The following KIAA0232 variants were observed in gnomAD, a reference collection of about 807,000 sequenced individuals.
KIAA0232 encodes KIAA0232, also known as uncharacterized protein KIAA0232.
KIAA0232 carries 27 observed loss-of-function variants against 122.0 expected under a neutral mutation model. The observed-to-expected ratio is 0.22, with a 90% confidence interval of 0.16 to 0.31. KIAA0232 has a LOEUF of 0.31. Ranked by LOEUF, KIAA0232 falls within the 10% of genes least tolerant of loss-of-function variation. The probability of loss-of-function intolerance (pLI) is 1.00; values close to 1 mark genes in which losing one functional copy is unlikely to be tolerated. For synonymous variants in KIAA0232, 613 were observed against 587.6 expected (o/e 1.04, Z -0.63); for missense variants, 1,551 against 1,634.2 (o/e 0.95, Z 0.88).
chr4:6,783,164 C>G (rs1010350123), intron 1 of KIAA0232, among the ~76,000 whole-genome samples: 1 of 151,724 alleles, frequency 6.6e-6, no homozygotes, highest in African/African-American at 2.4e-5. Flanking sequence ...CTAAGGGAGA[C>G]CGGGCCGCTG....
At chr4:6,858,111 A>C (rs1720657056) in intron 5 of KIAA0232, among the ~76,000 whole-genome samples, 1 of 152,204 alleles carries the variant, frequency 6.6e-6, no homozygotes, top group Non-Finnish European at 1.5e-5. Flanking sequence ...ATCTAAACAG[A>C]TGTTCTGTCC....
intron 2 of KIAA0232, among the ~76,000 whole-genome samples, chr4:6,806,215 T>G (rs1717608409): frequency 6.6e-6 from 1 of 152,218 alleles, no homozygotes; most frequent in Non-Finnish European, 1.5e-5. Context: ...AATTTTGACA[T>G]CTAATTGGTC....
In KIAA0232 at chr4:6,824,507, A is replaced by T. The variant is rs1475653497; in HGVS notation, c.54A>T (p.Ser18=). ...VVDGLPSESS[S]SSYPGPVSVS... Reference sequence around the variant, plus strand: ...ATGGTTTGCCATCTGAAAGCTCCTCAAGTTCTTATCCAGGCCCTGTGTCTG... The same window carrying T: ...ATGGTTTGCCATCTGAAAGCTCCTCTAGTTCTTATCCAGGCCCTGTGTCTG... Residue 18 remains serine (S), a synonymous_variant, in exon 3 of 10, where the codon TCA becomes TCT. Transcript: ENST00000307659. The T allele has an allele frequency of 1.2e-6, 2 of 1,614,026 alleles. No homozygotes were observed. Among genetic ancestry groups the T allele is most frequent in the East Asian group, 2.2e-5 (1 of 44,898 alleles).
At chr4:6,848,016 C>T (rs547135415) in intron 4 of KIAA0232, among the ~76,000 whole-genome samples, 192 of 152,292 alleles carry the variant, frequency 1.3e-3, no homozygotes, top group African/African-American at 3.9e-3. Context: ...AATGCAATAA[C>T]TCTTCCATAA....
intron 1 of KIAA0232, among the ~76,000 whole-genome samples, chr4:6,787,324 G>T (rs1044970591): frequency 6.6e-6 from 1 of 152,066 alleles, no homozygotes; most frequent in Non-Finnish European, 1.5e-5. Flanking sequence ...CTTCTTAAAA[G>T]AATATTAGAA....
chr4:6,794,133 G>A (rs1459772958), intron 1 of KIAA0232, among the ~76,000 whole-genome samples: 2 of 152,190 alleles, frequency 1.3e-5, no homozygotes, highest in Non-Finnish European at 2.9e-5. Context: ...ACTTCCACTT[G>A]GTCGGATTCC....
chr4:6,875,425 C>T (rs931033861), intron 8 of KIAA0232, among the ~76,000 whole-genome samples: 41 of 152,382 alleles, frequency 2.7e-4, no homozygotes, highest in African/African-American at 9.6e-4. Context: ...GGGGTATTCT[C>T]ATGAACCTCA....
At chr4:6,805,738 A>C (rs755046469) in intron 2 of KIAA0232, among the ~76,000 whole-genome samples, 7 of 152,200 alleles carry the variant, frequency 4.6e-5, no homozygotes, top group Non-Finnish European at 8.8e-5. Context: ...ACGTTGACAA[A>C]GTGGGTTTCA....
intron 3 of KIAA0232, among the ~76,000 whole-genome samples, chr4:6,835,619 C>T (rs1719223823): frequency 6.6e-6 from 1 of 152,194 alleles, no homozygotes; most frequent in Admixed American, 6.5e-5. Flanking sequence ...CCTCCCCCAG[C>T]TCCCCGCCTC....
rs527493803 is a variant in KIAA0232, at chr4:6,798,997, CAG to C, written c.-353-5524_-353-5523del. The stretch of plus-strand genomic sequence containing the variant: ...AACTTTGATGGATGGCTTTTAACAA[CAG>C]AAGTGTATCTTCTCACAGTTCTGGA... On this transcript the variant is annotated intron_variant, in intron 1 of 9. Transcript: ENST00000307659. Among the ~76,000 whole-genome samples the C allele has an allele frequency of 7.4e-4, 112 of 152,298 alleles. 1 individual carries two copies. Among genetic ancestry groups the C allele is most frequent in the Middle Eastern group, 6.8e-3 (2 of 294 alleles).
chr4:6,827,298 C>T (rs1718742448), intron 3 of KIAA0232, among the ~76,000 whole-genome samples: 1 of 152,180 alleles, frequency 6.6e-6, no homozygotes, highest in South Asian at 2.1e-4. Context: ...GGAGGATGTA[C>T]TTACGGTTTC....
At chr4:6,854,415 T>A (rs2108776449) in intron 4 of KIAA0232, among the ~76,000 whole-genome samples, 2 of 152,296 alleles carry the variant, frequency 1.3e-5, no homozygotes, top group South Asian at 4.1e-4. Context: ...TGAGTCCTCT[T>A]CTCAGAGAAA....
In KIAA0232 at chr4:6,855,992, G is replaced by C. The variant is rs1720547875; in HGVS notation, c.370-1172G>C. On this transcript the variant is annotated intron_variant, in intron 4 of 9. Transcript: ENST00000307659. The surrounding 1 kb of genome is among the most constrained non-coding windows in gnomAD (Gnocchi z 4.3). Reference sequence around the variant, plus strand: ...TTTTAAGAGTGTTTTTAAAGGAAAGGGCAACTCTTGTCTGGCCTATTTTTC... The same window carrying C: ...TTTTAAGAGTGTTTTTAAAGGAAAGCGCAACTCTTGTCTGGCCTATTTTTC... 3.1e-6 allele frequency: 1 copy of C among 319,958 alleles called. No individual in the cohort carries two copies. Among genetic ancestry groups the C allele is most frequent in the African/African-American group, 2.2e-5 (1 of 44,504 alleles). The allele number at this position is 319,958 out of a possible 1,614,324, so 19.8% of individuals were successfully genotyped here. A position where few individuals can be genotyped will look rare whatever the true frequency, so the allele number is the denominator to read the frequency against.
intron 2 of KIAA0232, among the ~76,000 whole-genome samples, chr4:6,812,128 G>C (rs1246908454): frequency 6.6e-6 from 1 of 152,112 alleles, no homozygotes; most frequent in Non-Finnish European, 1.5e-5. Context: ...TAGTGTCTTG[G>C]ACAACCTCCT....
intron 2 of KIAA0232, among the ~76,000 whole-genome samples, chr4:6,807,375 A>G (rs572025107): frequency 7.2e-5 from 11 of 152,348 alleles, no homozygotes; most frequent in African/African-American, 2.4e-4. Flanking sequence ...TGGAGCATAT[A>G]TACTTACGTG....
At chr4:6,853,665 A>C (rs1329818997) in intron 4 of KIAA0232, among the ~76,000 whole-genome samples, 3 of 152,244 alleles carry the variant, frequency 2.0e-5, no homozygotes, top group Non-Finnish European at 2.9e-5. Flanking sequence ...AGAAACCTGT[A>C]AGATGATTAA....
intron 4 of KIAA0232, among the ~76,000 whole-genome samples, chr4:6,848,262 C>T (rs1273891959): frequency 6.6e-6 from 1 of 152,304 alleles, no homozygotes; most frequent in African/African-American, 2.4e-5. Context: ...TATTTATATG[C>T]TGTACAGGGT....
At chr4:6,880,428 C>T (rs565575654) in intron 9 of KIAA0232, among the ~76,000 whole-genome samples, 8 of 152,134 alleles carry the variant, frequency 5.3e-5, no homozygotes, top group African/African-American at 1.7e-4. Context: ...TTGGTTTGCT[C>T]GTTCATCTCC....
In KIAA0232 at chr4:6,800,346, A is replaced by G. The variant is rs112380529; in HGVS notation, c.-353-4177A>G. 5.5e-3 allele frequency among the ~76,000 whole-genome samples: 818 copies of G among 149,030 alleles called. 3 individuals carry two copies. Among genetic ancestry groups the G allele is most frequent in the African/African-American group, 0.019 (766 of 40,578 alleles). On this transcript the variant is annotated intron_variant, in intron 1 of 9. Coordinates refer to ENST00000307659, the MANE Select transcript of KIAA0232 (RefSeq NM_014743.3). ...GTACTGAGTCATCGTGCCTGGACTTACGTATGCTCTATTTTCTTGATGTGT... is the reference window on the plus strand; with the variant it reads ...GTACTGAGTCATCGTGCCTGGACTTGCGTATGCTCTATTTTCTTGATGTGT...
Sources: gnomAD v4.1 joint callset for allele counts (sites outside exome capture counted in the v4.1 genomes callset) on GRCh38, gnomAD v4.1.1 for gene constraint, Gnocchi (gnomAD v3.1) non-coding constraint, MANE v1.5 for transcripts, NCBI Gene and HGNC (gene_info 2026-07-23, HGNC 2026-07-21) for gene names.